Variants in SERPINA9 observed in about 807,000 individuals in gnomAD.
The protein encoded by SERPINA9 is serpin A9.
SERPINA9 carries 32 observed loss-of-function variants against 24.5 expected under a neutral mutation model. The ratio of observed to expected loss-of-function variants is 1.30; its 90% CI spans 0.98 to 1.75. SERPINA9 has a LOEUF of 1.75. SERPINA9 is among the 40% of genes most tolerant of loss of function. The probability of loss-of-function intolerance (pLI) is 0.00; values close to 1 mark genes in which losing one functional copy is unlikely to be tolerated. For synonymous variants in SERPINA9, 233 were observed against 197.7 expected, an observed-to-expected ratio of 1.18 and a Z score of -1.50; for missense variants, 594 against 497.1, an observed-to-expected ratio of 1.19 and a Z score of -1.85.
At chr14:94,475,246 G>C (rs1899531658) in intron 1 of SERPINA9, among the ~76,000 whole-genome samples, 1 of 152,280 alleles carries the variant, frequency 6.6e-6, no homozygotes, top group East Asian at 1.9e-4. Context: ...CTCGTCCACT[G>C]TGGGTTCCCA....
intron 1 of SERPINA9, among the ~76,000 whole-genome samples, chr14:94,474,352 C>G (rs1466685852): frequency 1.3e-5 from 2 of 152,188 alleles, no homozygotes; most frequent in African/African-American, 4.8e-5. Flanking sequence ...AGGGGAGACC[C>G]ACCTGAAGTC....
rs190620890 is a variant in SERPINA9 at position 94,469,680 on chromosome 14, C to T, written c.161G>A (p.Arg54His). Residue 54 changes from arginine to histidine, a missense_variant, in exon 2 of 5, where the codon CGC becomes CAC. Transcript: ENST00000674397. The part of the protein sequence containing the change: ...VYSLNTDFAF[R>H]LYRRLVLETP... The stretch of plus-strand genomic sequence containing the variant: ...CTCCAAAACCAGCCTGCGGTATAGG[C>T]GGAAGGCAAAGTCGGTGTTGAGGGA... 5.0e-5 allele frequency: 81 copies of T among 1,613,012 alleles called. No individual in the cohort carries two copies. The East Asian group carries it at 8.2e-4, about 16-fold the overall frequency.
intron 3 of SERPINA9, among the ~76,000 whole-genome samples, chr14:94,465,319 C>A (rs987456905): frequency 6.6e-6 from 1 of 152,200 alleles, no homozygotes; most frequent in Admixed American, 6.5e-5. Context: ...TAGCCATTAG[C>A]CATGTGTGGC....
At chr14:94,473,408 A>G (rs1202219730) in intron 1 of SERPINA9, among the ~76,000 whole-genome samples, 1 of 150,264 alleles carries the variant, frequency 6.7e-6, no homozygotes, top group African/African-American at 2.4e-5. Context: ...AGTCCCAGCT[A>G]CTCCGGAGGC....
chr14:94,466,907 A>G (rs1899028475), intron 3 of SERPINA9, among the ~76,000 whole-genome samples: 1 of 152,184 alleles, frequency 6.6e-6, no homozygotes, highest in Non-Finnish European at 1.5e-5. Context: ...CTGTGTAATG[A>G]GTGGTACTAA....
intron 3 of SERPINA9, among the ~76,000 whole-genome samples, chr14:94,465,387 T>C (rs1898953550): frequency 6.6e-6 from 1 of 152,250 alleles, no homozygotes; most frequent in Non-Finnish European, 1.5e-5. Context: ...TTAATTTTAC[T>C]ACATTTCAGT....
chr14:94,469,465 T>A lies in SERPINA9; in HGVS notation c.376A>T (p.Lys126Ter), dbSNP rs202245237. The A allele has an allele frequency of 1.2e-6, 2 of 1,614,204 alleles. No homozygotes were observed. Among genetic ancestry groups the A allele is most frequent in the South Asian group, 2.2e-5 (2 of 91,090 alleles). The change falls in exon 2 of 5, where the codon AAA (lysine) becomes TAA (stop). Residue 126 changes from lysine to a stop codon, truncating the protein, a stop_gained. Coordinates refer to ENST00000674397, the MANE Select transcript of SERPINA9 (RefSeq NM_175739.4). LOFTEE classifies it high-confidence loss of function. The stretch of plus-strand genomic sequence containing the variant: ...CTTCCCATCTTCAAGGTCAGGTCTT[T>A]GCTGGGAACAGTCAGTGAGTGAACC... ...HLVHSLTVPS[K>*]DLTLKMGSAL...
Position 94,462,964 on chromosome 14 carries a change from G to A in SERPINA9, c.*129C>T. 1.3e-6 allele frequency: 1 copy of A among 758,932 alleles called. No individual in the cohort carries two copies. Among genetic ancestry groups the A allele is most frequent in the Non-Finnish European group, 2.2e-6 (1 of 445,126 alleles). The allele number at this position is 758,932 out of a possible 1,614,324, so 47.0% of individuals were successfully genotyped here. A position where few individuals can be genotyped will look rare whatever the true frequency, so the allele number is the denominator to read the frequency against. Reference sequence around the variant, plus strand: ...TTGATGGTTTGGTGATTGAGCCTTGGAAGTGGCATCCCTGCCAGCGAATCC... The same window carrying A: ...TTGATGGTTTGGTGATTGAGCCTTGAAAGTGGCATCCCTGCCAGCGAATCC... On this transcript the variant is annotated 3_prime_UTR_variant, in exon 5 of 5. Transcript: ENST00000674397.
At chr14:94,471,309 A>G (rs1899306553) in intron 1 of SERPINA9, among the ~76,000 whole-genome samples, 1 of 152,162 alleles carries the variant, frequency 6.6e-6, no homozygotes, top group African/African-American at 2.4e-5. Flanking sequence ...GTGAACAATT[A>G]TTTTGCCAGA....
In SERPINA9 at chr14:94,467,142, G is replaced by A; in HGVS notation, c.869C>T (p.Thr290Ile). 2 of 1,614,144 alleles carry A rather than the reference G, an allele frequency of 1.2e-6. No homozygotes were observed. Among genetic ancestry groups the A allele is most frequent in the South Asian group, 2.2e-5 (2 of 91,086 alleles). ...GAGTGAGTGGCTCCACTTTCTCAGT[G>A]TTCTGGCTGACAAGGCCTGTTCCAG... ...RQLEQALSAR[T>I]LRKWSHSLQK... Residue 290 changes from threonine to isoleucine, a missense_variant, in exon 3 of 5, where the codon ACA becomes ATA. Physicochemically the swap from Thr to Ile is moderately conservative, Grantham distance 89. Transcript: ENST00000674397.
chr14:94,468,948 G>T (rs780843020), intron 2 of SERPINA9, among the ~76,000 whole-genome samples: 6 of 152,128 alleles, frequency 3.9e-5, no homozygotes, highest in Non-Finnish European at 7.3e-5. Flanking sequence ...TTTCCTGTGG[G>T]TTTCCCACTG....
At position 94,464,725 on chromosome 14, in the gene SERPINA9, GTC is replaced by G. The variant is rs1187639878; in HGVS notation, c.1030_1031del (p.Asp344LeufsTer6). ...AACTCACTTTAGAAACCTGCAGGGA[GTC>G]TCTCTTTGCAATTCCAGAAAAATCA... is the stretch of plus-strand genomic sequence containing the variant. ...NADFSGIAKR[D>X]SLQVSKATHK... On this transcript the variant is annotated frameshift_variant, in exon 4 of 5. Coordinates refer to ENST00000674397, the MANE Select transcript of SERPINA9 (RefSeq NM_175739.4). LOFTEE classifies it low-confidence loss of function (END_TRUNC). 1 of 1,613,550 alleles carries G rather than the reference GTC, an allele frequency of 6.2e-7. No homozygotes were observed. Among genetic ancestry groups the G allele is most frequent in the South Asian group, 1.1e-5 (1 of 90,980 alleles).
chr14:94,470,944 A>C (rs1899285457), intron 1 of SERPINA9, among the ~76,000 whole-genome samples: 1 of 152,204 alleles, frequency 6.6e-6, no homozygotes, highest in Non-Finnish European at 1.5e-5. Context: ...TGGTCATTTT[A>C]GAGAAGGAAG....
At chr14:94,464,353 G>T (rs1898891975) in intron 4 of SERPINA9, 2 of 319,982 alleles carry the variant, frequency 6.3e-6, no homozygotes, top group Non-Finnish European at 1.1e-5. Flanking sequence ...CACATCTACA[G>T]GGTGCAGATG....
In SERPINA9 at chr14:94,462,973, T is replaced by C; in HGVS notation, c.*120A>G. 3 of 829,526 alleles carry C rather than the reference T, an allele frequency of 3.6e-6. No homozygotes were observed. The highest frequency in any genetic ancestry group is 6.0e-6 in the Non-Finnish European group (3 of 503,450). 51.4% of individuals were successfully genotyped at this position (829,526 alleles called of 1,614,324 possible). A position where few individuals can be genotyped will look rare whatever the true frequency, so the allele number is the denominator to read the frequency against. The stretch of plus-strand genomic sequence containing the variant: ...TGGTGATTGAGCCTTGGAAGTGGCA[T>C]CCCTGCCAGCGAATCCAGCTCCACT... On this transcript the variant is annotated 3_prime_UTR_variant, in exon 5 of 5. Transcript: ENST00000674397.
intron 1 of SERPINA9, among the ~76,000 whole-genome samples, chr14:94,471,671 C>T (rs988648225): frequency 1.3e-5 from 2 of 152,158 alleles, no homozygotes; most frequent in African/African-American, 4.8e-5. Context: ...ATCCATCCAC[C>T]TACTGGACTC....
intron 1 of SERPINA9, among the ~76,000 whole-genome samples, chr14:94,475,692 C>G (rs147475303): frequency 2.0e-5 from 3 of 152,132 alleles, no homozygotes; most frequent in South Asian, 2.1e-4. Context: ...ATCTCAGGAC[C>G]CTTCCACCTC....
rs17090921 is a variant in SERPINA9, at chr14:94,467,358, G to A, written c.653C>T (p.Pro218Leu). ...TGGGAAGTTCTTTCTTGTATATTCA[G>A]GGTGAAAGGGCTTCTCCCACTTGGC... is the stretch of plus-strand genomic sequence containing the variant. ...FKAKWEKPFH[P>L]EYTRKNFPFL... Residue 218 changes from proline (P) to leucine (L), a missense_variant, in exon 3 of 5, where the codon CCT becomes CTT. Pro to Leu is a moderately conservative substitution (Grantham distance 98). Coordinates refer to ENST00000674397, the MANE Select transcript of SERPINA9 (RefSeq NM_175739.4). 0.31 allele frequency: 498,234 copies of A among 1,610,776 alleles called. 78,596 individuals carry two copies. The highest frequency in any genetic ancestry group is 0.45 in the East Asian group (20,118 of 44,762).
chr14:94,469,735 T>C lies in SERPINA9; in HGVS notation c.106A>G (p.Thr36Ala). 4 of 1,584,942 alleles carry C rather than the reference T, an allele frequency of 2.5e-6. No homozygotes were observed. The highest frequency in any genetic ancestry group is 2.6e-6 in the Non-Finnish European group (3 of 1,163,868). ...ACCTGTGAGGCAGGGGTGCTCTTTG[T>C]GGAGGAAGGGCGGGGGTATGCACTG... ...APSAYPRPSS[T>A]KSTPASQVYS... Residue 36 changes from threonine to alanine, a missense_variant, in exon 2 of 5, where the codon ACA becomes GCA. By Grantham distance (58) the Thr-to-Ala change is moderately conservative. Coordinates refer to ENST00000674397, the MANE Select transcript of SERPINA9 (RefSeq NM_175739.4).
Sources: allele counts gnomAD v4.1 joint callset (sites outside exome capture counted in the v4.1 genomes callset), GRCh38; gene constraint gnomAD v4.1.1; transcripts MANE v1.5; gene names NCBI Gene and HGNC (gene_info 2026-07-23, HGNC 2026-07-21).